Variants in EPHA5 observed in about 807,000 individuals in gnomAD.
EPHA5 encodes EPH receptor A5.
In EPHA5, 60 loss-of-function variants were observed where a neutral mutation model predicts 105.0. That is an observed-to-expected ratio of 0.57 (90% CI 0.46 to 0.71). EPHA5 has a LOEUF of 0.71. Ranked by LOEUF, EPHA5 falls within the 30% of genes least tolerant of loss-of-function variation. The pLI is 0.00. For missense variants in EPHA5, 1,218 were observed against 1,274.7 expected (o/e 0.96, Z 0.68); for synonymous variants, 513 against 449.1 (o/e 1.14, Z -1.80).
At chr4:65,596,795 T>C (rs759506994) in intron 3 of EPHA5, among the ~76,000 whole-genome samples, 3 of 152,168 alleles carry the variant, frequency 2.0e-5, no homozygotes, top group Non-Finnish European at 2.9e-5. Flanking sequence ...ATAGGTTCCT[T>C]TTGTTACATA....
At chr4:65,355,242 G>T (rs2148865972) in intron 11 of EPHA5, among the ~76,000 whole-genome samples, 1 of 151,684 alleles carries the variant, frequency 6.6e-6, no homozygotes, top group South Asian at 2.1e-4. Context: ...AAAGTTACAA[G>T]AGATGAGGTG....
At chr4:65,664,446 G>C (rs1749797193) in intron 1 of EPHA5, among the ~76,000 whole-genome samples, 1 of 151,842 alleles carries the variant, frequency 6.6e-6, no homozygotes, top group Non-Finnish European at 1.5e-5. Flanking sequence ...ATTTTAATCT[G>C]TGTTTACAAA....
chr4:65,665,052 G>T (rs773673341), intron 1 of EPHA5, among the ~76,000 whole-genome samples: 1 of 151,710 alleles, frequency 6.6e-6, no homozygotes, highest in South Asian at 2.1e-4. Context: ...AAAAAATAAT[G>T]TCTAAAGAGT....
At chr4:65,481,870 T>C (rs1321434759) in intron 5 of EPHA5, among the ~76,000 whole-genome samples, 1 of 152,180 alleles carries the variant, frequency 6.6e-6, no homozygotes, top group Admixed American at 6.5e-5. Flanking sequence ...CTTCTTCAAT[T>C]AGTTGACCAA....
chr4:65,354,112 G>A (rs375603004), intron 11 of EPHA5, among the ~76,000 whole-genome samples: 39 of 151,790 alleles, frequency 2.6e-4, no homozygotes, highest in African/African-American at 8.9e-4. Flanking sequence ...TAGCAATGGC[G>A]CCTACCTCAT....
chr4:65,322,770 A>G lies in EPHA5; in HGVS notation c.*1344T>C. ...ACAAATGAATAAACATCCATTAAAA[A>G]TAAAACTTATCAATTATTGAAATAA... On this transcript the variant is annotated 3_prime_UTR_variant, in exon 17 of 17. Transcript: ENST00000613740. 4.4e-6 allele frequency: 1 copy of G among 227,748 alleles called. No individual in the cohort carries two copies. Among genetic ancestry groups the G allele is most frequent in the Non-Finnish European group, 8.7e-6 (1 of 114,480 alleles). 14.1% of individuals were successfully genotyped at this position (227,748 alleles called of 1,614,324 possible). A position where few individuals can be genotyped will look rare whatever the true frequency, so the allele number is the denominator to read the frequency against.
At chr4:65,350,920 G>A (rs1722751504) in intron 13 of EPHA5, among the ~76,000 whole-genome samples, 1 of 151,748 alleles carries the variant, frequency 6.6e-6, no homozygotes, top group African/African-American at 2.4e-5. Flanking sequence ...AGATATTTCT[G>A]TATTTATTTT....
Position 65,583,284 on chromosome 4 carries a change from T to C in EPHA5, c.910+18357A>G, listed in dbSNP as rs1051984463. On this transcript the variant is annotated intron_variant, in intron 3 of 16. Transcript: ENST00000613740. ...AAACACAAATATTATTAAAGCTTTC[T>C]CTGTAACATAAAGAGAAAATTAATT... Among the ~76,000 whole-genome samples the C allele has an allele frequency of 3.3e-5, 5 of 151,700 alleles. No individual in the cohort carries two copies. The South Asian group carries it at 1.0e-3, about 32-fold the overall frequency.
chr4:65,567,720 G>C (rs374004047), intron 3 of EPHA5, among the ~76,000 whole-genome samples: 1 of 151,534 alleles, frequency 6.6e-6, no homozygotes. Context: ...ATTAACCAAA[G>C]TGCTTGAGTA....
chr4:65,469,029 T>A (rs964324823), intron 5 of EPHA5, among the ~76,000 whole-genome samples: 1 of 151,934 alleles, frequency 6.6e-6, no homozygotes, highest in Non-Finnish European at 1.5e-5. Context: ...GGCCCTTGAG[T>A]GTGAAGTCTA....
intron 3 of EPHA5, among the ~76,000 whole-genome samples, chr4:65,527,564 T>G (rs2149293874): frequency 6.6e-6 from 1 of 152,270 alleles, no homozygotes; most frequent in East Asian, 1.9e-4. Context: ...AAGCATTTCT[T>G]TTTTAAATTA....
At chr4:65,561,309 T>A (rs757518143) in intron 3 of EPHA5, among the ~76,000 whole-genome samples, 2 of 152,070 alleles carry the variant, frequency 1.3e-5, no homozygotes, top group Admixed American at 1.3e-4. Flanking sequence ...ATCACTAGAA[T>A]GCCAATCACT....
intron 7 of EPHA5, among the ~76,000 whole-genome samples, chr4:65,410,659 T>G (rs1722827811): frequency 6.6e-6 from 1 of 152,198 alleles, no homozygotes; most frequent in Non-Finnish European, 1.5e-5. Context: ...TGTGATATTA[T>G]ACTATGGTTC....
chr4:65,446,674 G>A (rs765432268), intron 5 of EPHA5, among the ~76,000 whole-genome samples: 3 of 151,908 alleles, frequency 2.0e-5, no homozygotes, highest in Admixed American at 6.6e-5. Flanking sequence ...GTGTAGGGAT[G>A]CTCATGTATG....
At chr4:65,356,246 A>G (rs1451177) in intron 11 of EPHA5, among the ~76,000 whole-genome samples, 45,841 of 151,268 alleles carry the variant, frequency 0.3, 8,257 homozygotes, top group East Asian at 0.46. Context: ...CTTTCTGCCT[A>G]TCTTTTTATA....
At chr4:65,429,380 T>C (rs560665546) in intron 5 of EPHA5, among the ~76,000 whole-genome samples, 1 of 152,034 alleles carries the variant, frequency 6.6e-6, no homozygotes, top group South Asian at 2.1e-4. Context: ...AACAAATTTT[T>C]ATAGCTTATG....
chr4:65,565,045 G>A (rs1739390916), intron 3 of EPHA5, among the ~76,000 whole-genome samples: 1 of 151,494 alleles, frequency 6.6e-6, no homozygotes, highest in Non-Finnish European at 1.5e-5. Context: ...TAGATAGAGG[G>A]CTGGCAGAAG....
intron 14 of EPHA5, 21 bp from the exon 15 acceptor site, chr4:65,336,146 C>A (rs2148814299): frequency 6.4e-7 from 1 of 1,568,512 alleles, no homozygotes; most frequent in Non-Finnish European, 8.7e-7. Flanking sequence ...CAAAACAGAA[C>A]CAGCACCCCA....
chr4:65,346,791 TCAAA>T (rs972611380), intron 14 of EPHA5, among the ~76,000 whole-genome samples: 2 of 151,736 alleles, frequency 1.3e-5, no homozygotes, highest in East Asian at 3.9e-4. Flanking sequence ...AAGAAAAAAA[TCAAA>T]CAACCCCATC....
Sources: allele counts gnomAD v4.1 joint callset (sites outside exome capture counted in the v4.1 genomes callset), GRCh38; gene constraint gnomAD v4.1.1; transcripts MANE v1.5; gene names NCBI Gene and HGNC (gene_info 2026-07-23, HGNC 2026-07-21).